Variants in DPP10 observed in about 807,000 individuals in gnomAD.
The protein encoded by DPP10 is inactive dipeptidyl peptidase 10.
A neutral mutation model predicts 120.9 loss-of-function variants in DPP10; 33 were observed. The ratio of observed to expected loss-of-function variants is 0.27; its 90% CI spans 0.21 to 0.37. The LOEUF is 0.37. Ranked by LOEUF, DPP10 falls within the 10% of genes least tolerant of loss-of-function variation. The probability of loss-of-function intolerance (pLI) is 1.00; values close to 1 mark genes in which losing one functional copy is unlikely to be tolerated. For synonymous variants in DPP10, 337 were observed against 326.1 expected (o/e 1.03, Z -0.36); for missense variants, 816 against 942.8 (o/e 0.87, Z 1.76).
At chr2:115,807,096 C>A (rs1045007525) in intron 19 of DPP10, among the ~76,000 whole-genome samples, 1 of 152,146 alleles carries the variant, frequency 6.6e-6, no homozygotes, top group African/African-American at 2.4e-5. Context: ...CTATTCCCAG[C>A]AACTGAAAGA....
At chr2:115,673,044 C>T (rs945133579) in intron 5 of DPP10, among the ~76,000 whole-genome samples, 7 of 151,824 alleles carry the variant, frequency 4.6e-5, no homozygotes, top group Admixed American at 1.3e-4. Flanking sequence ...CCACTGCGCC[C>T]GACTATCATG....
At chr2:115,327,409 G>T (rs994727951) in intron 2 of DPP10, among the ~76,000 whole-genome samples, 1 of 151,954 alleles carries the variant, frequency 6.6e-6, no homozygotes, top group South Asian at 2.1e-4. Flanking sequence ...GCTCACTAGA[G>T]AATTATTGAG....
At chr2:114,641,462 T>G (rs1387420938) in intron 1 of DPP10, among the ~76,000 whole-genome samples, 1 of 152,000 alleles carries the variant, frequency 6.6e-6, no homozygotes, top group African/African-American at 2.4e-5. Context: ...TATACACTTT[T>G]GCTAATAGCA....
chr2:115,088,768 A>AAAAAAAAAACAAAAAAAAAAAC (rs775985067), intron 1 of DPP10, among the ~76,000 whole-genome samples: 1 of 134,830 alleles, frequency 7.4e-6, no homozygotes, highest in Non-Finnish European at 1.6e-5. Context: ...AAAAAAAAAA[A>AAAAAAAAAACAAAAAAAAAAAC]ACCAAAAAAC....
chr2:115,315,249 G>GCA (rs1001689729), intron 2 of DPP10, among the ~76,000 whole-genome samples: 6 of 150,034 alleles, frequency 4.0e-5, no homozygotes, highest in African/African-American at 7.4e-5. Context: ...TCATATGCCT[G>GCA]CACACACACA....
At chr2:114,669,896 G>T (rs890327939) in intron 1 of DPP10, among the ~76,000 whole-genome samples, 2 of 152,060 alleles carry the variant, frequency 1.3e-5, no homozygotes, top group Admixed American at 6.6e-5. Flanking sequence ...TTATTTTTAT[G>T]CAGCCAAAAG....
chr2:115,799,398 T>C (rs1306661682), intron 19 of DPP10, among the ~76,000 whole-genome samples: 2 of 152,030 alleles, frequency 1.3e-5, no homozygotes, highest in Non-Finnish European at 2.9e-5. Flanking sequence ...ATATAACATG[T>C]AGTTTACACA....
intron 3 of DPP10, among the ~76,000 whole-genome samples, chr2:115,459,759 C>T (rs2105058064): frequency 6.6e-6 from 1 of 151,780 alleles, no homozygotes; most frequent in East Asian, 1.9e-4. Context: ...TGTATATTCA[C>T]ATAAAATCTG....
chr2:115,309,374 T>C, intron 2 of DPP10, 21 bp downstream of exon 2: 1 of 1,597,212 alleles, frequency 6.3e-7, no homozygotes, highest in Non-Finnish European at 8.6e-7. Flanking sequence ...TTTATTCCTC[T>C]CTTATGATGG....
At chr2:114,972,207 T>A (rs1315025458) in intron 1 of DPP10, among the ~76,000 whole-genome samples, 1 of 152,100 alleles carries the variant, frequency 6.6e-6, no homozygotes, top group African/African-American at 2.4e-5. Context: ...AAGCGCTAGT[T>A]TACATAGAAA....
At chr2:115,299,150 A>G (rs929753103) in intron 1 of DPP10, among the ~76,000 whole-genome samples, 2 of 152,060 alleles carry the variant, frequency 1.3e-5, no homozygotes, top group Non-Finnish European at 2.9e-5. Context: ...TTCAGTTTCT[A>G]TCCCTCTTTT....
intron 1 of DPP10, among the ~76,000 whole-genome samples, chr2:115,188,073 G>A (rs756232507): frequency 4.0e-5 from 6 of 151,706 alleles, no homozygotes; most frequent in African/African-American, 9.7e-5. Context: ...GAGAGAGAGA[G>A]AGAGAGAGAG....
chr2:114,745,610 AG>A (rs1398502354), intron 1 of DPP10, among the ~76,000 whole-genome samples: 3 of 152,248 alleles, frequency 2.0e-5, no homozygotes, highest in African/African-American at 7.2e-5. Flanking sequence ...AAATAATATA[AG>A]GAAATGCTGA....
chr2:115,473,017 C>A (rs2074834763), intron 3 of DPP10, among the ~76,000 whole-genome samples: 1 of 152,118 alleles, frequency 6.6e-6, no homozygotes, highest in Non-Finnish European at 1.5e-5. Context: ...TTTAAGAGTG[C>A]ATGTAAATGC....
At chr2:115,195,707 C>T (rs774076716) in intron 1 of DPP10, among the ~76,000 whole-genome samples, 5 of 152,166 alleles carry the variant, frequency 3.3e-5, no homozygotes, top group Middle Eastern at 6.8e-3. Context: ...AAGGTTGTTC[C>T]GTGCCTTGAC....
chr2:115,658,924 G>T (rs1218747151), intron 5 of DPP10, among the ~76,000 whole-genome samples: 2 of 152,042 alleles, frequency 1.3e-5, no homozygotes, highest in African/African-American at 4.8e-5. Flanking sequence ...TTTTCAAGTT[G>T]TATAGTTCTC....
At chr2:114,755,718 G>A (rs1679668564) in intron 1 of DPP10, among the ~76,000 whole-genome samples, 1 of 152,166 alleles carries the variant, frequency 6.6e-6, no homozygotes, top group African/African-American at 2.4e-5. Flanking sequence ...TTAGAGCACT[G>A]TAAGGCAGAA....
At chr2:114,853,231 T>C (rs558816602) in intron 1 of DPP10, among the ~76,000 whole-genome samples, 10 of 152,164 alleles carry the variant, frequency 6.6e-5, no homozygotes, top group Non-Finnish European at 5.9e-5. Context: ...TATAACTTGA[T>C]TGAGGTGACT....
intron 1 of DPP10, among the ~76,000 whole-genome samples, chr2:115,061,298 CATAG>C (rs1706378792): frequency 1.3e-5 from 2 of 152,192 alleles, no homozygotes; most frequent in Non-Finnish European, 1.5e-5. Flanking sequence ...ATTAAAAATT[CATAG>C]ATAGAGATGA....
Sources: gnomAD v4.1 joint callset for allele counts (sites outside exome capture counted in the v4.1 genomes callset) on GRCh38, gnomAD v4.1.1 for gene constraint, MANE v1.5 for transcripts, NCBI Gene and HGNC (gene_info 2026-07-23, HGNC 2026-07-21) for gene names.